SMIM41: variants seen among roughly 807,000 people sequenced by gnomAD.
SMIM41 encodes small integral membrane protein 41.
At chr12:52,089,071 A>G (rs910295373) in intron 2 of SMIM41, among the ~76,000 whole-genome samples, 15 of 152,046 alleles carry the variant, frequency 9.9e-5, no homozygotes, top group Admixed American at 3.9e-4. Context: ...CCAAGGGAAC[A>G]AAACCGGTGG....
chr12:52,103,752 C>CAATA (rs112160627), intron 2 of SMIM41, among the ~76,000 whole-genome samples: 11,203 of 147,554 alleles, frequency 0.076, 459 homozygotes, highest in African/African-American at 0.099. Flanking sequence ...AGACTGTCTC[C>CAATA]AGTAAATAAA....
chr12:52,100,090 C>A (rs554310065), intron 2 of SMIM41, among the ~76,000 whole-genome samples: 97 of 141,628 alleles, frequency 6.8e-4, no homozygotes, highest in Admixed American at 6.0e-3. Flanking sequence ...CCTCTCCCCC[C>A]CCGGATATTG....
Position 52,093,024 on chromosome 12 carries a change from C to CA in SMIM41, c.*195+9064dup, listed in dbSNP as rs201541474. On this transcript the variant is annotated intron_variant, in intron 2 of 2. Transcript: ENST00000546390. The stretch of plus-strand genomic sequence containing the variant: ...GTGAAACCCCGTCTCTACTACAATA[C>CA]AAAAAAAATAAAGAAAAAATTAGAT... 7.8e-3 allele frequency among the ~76,000 whole-genome samples: 1,179 copies of CA among 151,538 alleles called. 10 individuals are homozygous for CA. The highest frequency in any genetic ancestry group is 0.025 in the African/African-American group (1,052 of 41,290).
At chr12:52,104,785 A>C (rs1488826624) in intron 2 of SMIM41, among the ~76,000 whole-genome samples, 1 of 152,146 alleles carries the variant, frequency 6.6e-6, no homozygotes, top group Non-Finnish European at 1.5e-5. Context: ...CCTCTAAACT[A>C]TTCTCTAAGA....
At position 52,079,831 on chromosome 12, in the gene SMIM41, T is replaced by C. The variant is rs1751876531; in HGVS notation, c.52T>C (p.Cys18Arg). ...GGCTCAGGCCGCCTGGCTGAGCTCC[T>C]GCTGTAACCAGTCGGCGTCGCCGCC... ...AAAQAAWLSS[C>R]CNQSASPPEP... Residue 18 changes from cysteine to arginine, a missense_variant, in exon 1 of 3, where the codon TGC becomes CGC. By Grantham distance (180) the Cys-to-Arg change is radical (BLOSUM62 -3). Coordinates refer to ENST00000546390, the MANE Select transcript of SMIM41 (RefSeq NM_001369216.1). 7.6e-6 allele frequency: 3 copies of C among 393,908 alleles called. No homozygotes were observed. Among genetic ancestry groups the C allele is most frequent in the Non-Finnish European group, 9.0e-6 (2 of 222,846 alleles). The allele number at this position is 393,908 out of a possible 1,614,324, so 24.4% of individuals were successfully genotyped here.
At chr12:52,097,474 G>A (rs1270388726) in intron 2 of SMIM41, among the ~76,000 whole-genome samples, 2 of 152,076 alleles carry the variant, frequency 1.3e-5, no homozygotes, top group East Asian at 1.9e-4. Context: ...GACACTCCCC[G>A]CTGATGCGCA....
At chr12:52,089,506 C>T (rs530963656) in intron 2 of SMIM41, among the ~76,000 whole-genome samples, 1 of 152,196 alleles carries the variant, frequency 6.6e-6, no homozygotes, top group Admixed American at 6.5e-5. Flanking sequence ...AGACAAGAGA[C>T]TTACTTGAGC....
At position 52,099,847 on chromosome 12, in the gene SMIM41, A is replaced by G. The variant is rs530934683; in HGVS notation, c.*196-7532A>G. Among the ~76,000 whole-genome samples, 8 of 152,178 alleles carry G rather than the reference A, an allele frequency of 5.3e-5. No individual in the cohort carries two copies. In the South Asian group the frequency reaches 1.7e-3, roughly 32 times the overall value. On this transcript the variant is annotated intron_variant, in intron 2 of 2. Coordinates refer to ENST00000546390, the MANE Select transcript of SMIM41 (RefSeq NM_001369216.1). Reference sequence around the variant, plus strand: ...TGCACCTTCTGCGATATTGGGAGTAATATTATCCTCTCCCGCCCTGAATAT... The same window carrying G: ...TGCACCTTCTGCGATATTGGGAGTAGTATTATCCTCTCCCGCCCTGAATAT...
intron 2 of SMIM41, among the ~76,000 whole-genome samples, chr12:52,106,492 T>A (rs1379231277): frequency 3.4e-5 from 5 of 148,366 alleles, no homozygotes; most frequent in Non-Finnish European, 4.4e-5. Flanking sequence ...ACAGGTGCCC[T>A]CCGCCATACC....
chr12:52,088,662 C>T (rs1348967338), intron 2 of SMIM41, among the ~76,000 whole-genome samples: 1 of 152,232 alleles, frequency 6.6e-6, no homozygotes, highest in Non-Finnish European at 1.5e-5. Flanking sequence ...TCGCCTTGCA[C>T]CTGGTCCCTG....
At chr12:52,106,331 T>C (rs568789405) in intron 2 of SMIM41, among the ~76,000 whole-genome samples, 1 of 151,800 alleles carries the variant, frequency 6.6e-6, no homozygotes, top group South Asian at 2.1e-4. Flanking sequence ...GACTTCGACT[T>C]ACGTGATTCT....
rs1461856686 is a variant in SMIM41, at chr12:52,096,527, CAATATT to C, written c.*196-10843_*196-10838del. Among the ~76,000 whole-genome samples the C allele has an allele frequency of 2.6e-5, 4 of 151,426 alleles. No homozygotes were observed. The East Asian group carries it at 5.8e-4, about 22-fold the overall frequency. ...TATTATTAACATTAATATTAAGTAC[CAATATT>C]AATATTAAGAAATAATTGATAATAA... On this transcript the variant is annotated intron_variant, in intron 2 of 2. Coordinates refer to ENST00000546390, the MANE Select transcript of SMIM41 (RefSeq NM_001369216.1).
At chr12:52,092,242 G>A (rs533056728) in intron 2 of SMIM41, 4 of 152,194 alleles carry the variant, frequency 2.6e-5, no homozygotes, top group Admixed American at 6.5e-5. Flanking sequence ...CAAACCAAAC[G>A]TTACAAGAAT....
At chr12:52,097,314 G>A (rs930451750) in intron 2 of SMIM41, among the ~76,000 whole-genome samples, 6 of 151,954 alleles carry the variant, frequency 3.9e-5, no homozygotes, top group African/African-American at 1.2e-4. Context: ...ATCGCAGGGG[G>A]GCGGGCGACC....
chr12:52,085,617 T>G (rs1179396782), intron 2 of SMIM41, among the ~76,000 whole-genome samples: 2 of 152,200 alleles, frequency 1.3e-5, no homozygotes, highest in Non-Finnish European at 2.9e-5. Flanking sequence ...TTCTCACATG[T>G]CACTTGGGCC....
At position 52,095,632 on chromosome 12, in the gene SMIM41, TA is replaced by T. The variant is rs200030731; in HGVS notation, c.*195+11665del. On this transcript the variant is annotated intron_variant, in intron 2 of 2. Coordinates refer to ENST00000546390, the MANE Select transcript of SMIM41 (RefSeq NM_001369216.1). ...CTGGGGGCGTGTCCACCCCATGCGA[TA>T]TTGAAAGTAATATCATCCTCTTCTC... Among the ~76,000 whole-genome samples the T allele has an allele frequency of 7.2e-3, 1,100 of 152,200 alleles. 10 individuals carry two copies. Among genetic ancestry groups the T allele is most frequent in the African/African-American group, 0.025 (1,058 of 41,520 alleles).
chr12:52,086,963 C>A lies in SMIM41; in HGVS notation c.*195+2995C>A, dbSNP rs146175173. On this transcript the variant is annotated intron_variant, in intron 2 of 2. Transcript: ENST00000546390. ...GAACTTTTACCCAGGCTGCTGGGTGCCCCCAAAGAACATCACACCCTTGAG... is the reference window on the plus strand; with the variant it reads ...GAACTTTTACCCAGGCTGCTGGGTGACCCCAAAGAACATCACACCCTTGAG... Among the ~76,000 whole-genome samples, 18 of 152,328 alleles carry A rather than the reference C, an allele frequency of 1.2e-4. 1 individual carries two copies. In the East Asian group the frequency reaches 3.5e-3, roughly 29 times the overall value.
At chr12:52,085,082 CT>C (rs1327525372) in intron 2 of SMIM41, among the ~76,000 whole-genome samples, 1 of 152,128 alleles carries the variant, frequency 6.6e-6, no homozygotes, top group Non-Finnish European at 1.5e-5. Context: ...TCAGTTAGAA[CT>C]TTTTTGGTCT....
intron 2 of SMIM41, among the ~76,000 whole-genome samples, chr12:52,103,204 A>G (rs1940255587): frequency 6.6e-6 from 1 of 151,886 alleles, no homozygotes; most frequent in Non-Finnish European, 1.5e-5. Flanking sequence ...GCGTGTGCCT[A>G]TAGTCCCAGC....
Sources: gnomAD v4.1 joint callset for allele counts (sites outside exome capture counted in the v4.1 genomes callset) on GRCh38, gnomAD v4.1.1 for gene constraint, MANE v1.5 for transcripts, NCBI Gene and HGNC (gene_info 2026-07-23, HGNC 2026-07-21) for gene names.